PAK5: variants seen among roughly 807,000 people sequenced by gnomAD.
PAK5 encodes serine/threonine-protein kinase PAK 5.
A neutral mutation model predicts 65.9 loss-of-function variants in PAK5; 16 were observed. The ratio of observed to expected loss-of-function variants is 0.24; its 90% CI spans 0.16 to 0.37. PAK5 has a LOEUF of 0.37. Among genes scored for constraint, PAK5 ranks in the 10% least tolerant of loss-of-function variants. The pLI, the probability that PAK5 is intolerant of heterozygous loss-of-function variation, is 1.00. For missense variants in PAK5, 785 were observed against 903.9 expected (o/e 0.87, Z 1.69); for synonymous variants, 371 against 354.9 (o/e 1.05, Z -0.51).
chr20:9,616,818 G>A (rs188855397), intron 3 of PAK5, among the ~76,000 whole-genome samples: 1 of 152,334 alleles, frequency 6.6e-6, no homozygotes, highest in Admixed American at 6.5e-5. Context: ...GTGGGTAGTG[G>A]GTGGAATGTG....
At chr20:9,640,163 A>G (rs2047033912) in intron 3 of PAK5, among the ~76,000 whole-genome samples, 1 of 149,912 alleles carries the variant, frequency 6.7e-6, no homozygotes, top group Non-Finnish European at 1.5e-5. Context: ...CCATTAACTC[A>G]TCATTTAGCA....
chr20:9,595,140 T>G (rs1025576853), intron 3 of PAK5, among the ~76,000 whole-genome samples: 45 of 150,974 alleles, frequency 3.0e-4, no homozygotes, highest in Admixed American at 2.3e-3. Flanking sequence ...GAGAGAGAGA[T>G]AGTATCAAAT....
At chr20:9,794,345 TA>T (rs2049082604) in intron 1 of PAK5, among the ~76,000 whole-genome samples, 1 of 151,870 alleles carries the variant, frequency 6.6e-6, no homozygotes, top group South Asian at 2.1e-4. Context: ...AAGAAAAATT[TA>T]AAAAATTTAA....
At chr20:9,808,056 A>G (rs953303017) in intron 1 of PAK5, among the ~76,000 whole-genome samples, 1 of 152,196 alleles carries the variant, frequency 6.6e-6, no homozygotes. Flanking sequence ...GAGACAAGAC[A>G]GAAAATAGAC....
At chr20:9,773,732 T>A (rs959199718) in intron 1 of PAK5, among the ~76,000 whole-genome samples, 1 of 152,210 alleles carries the variant, frequency 6.6e-6, no homozygotes, top group African/African-American at 2.4e-5. Context: ...GGCATAACTA[T>A]GGCTAAGTGC....
At chr20:9,604,032 A>C (rs1377788799) in intron 3 of PAK5, among the ~76,000 whole-genome samples, 2 of 152,234 alleles carry the variant, frequency 1.3e-5, no homozygotes, top group African/African-American at 4.8e-5. Flanking sequence ...ACCACACCAC[A>C]AATTATTGAT....
intron 1 of PAK5, among the ~76,000 whole-genome samples, chr20:9,752,297 G>C (rs1002956513): frequency 1.3e-5 from 2 of 152,140 alleles, no homozygotes; most frequent in African/African-American, 4.8e-5. Flanking sequence ...AACTGGGCAA[G>C]GGGCAGATCA....
chr20:9,827,329 T>A (rs2123782843), intron 1 of PAK5, among the ~76,000 whole-genome samples: 1 of 152,358 alleles, frequency 6.6e-6, no homozygotes, highest in South Asian at 2.1e-4. Flanking sequence ...TGAATCTATC[T>A]AACTGCGTGA....
At chr20:9,688,094 A>G (rs182508648) in intron 2 of PAK5, among the ~76,000 whole-genome samples, 109 of 152,174 alleles carry the variant, frequency 7.2e-4, no homozygotes, top group African/African-American at 2.3e-3. Flanking sequence ...GAGAGGCCAG[A>G]GCCCTTTGGG....
chr20:9,679,031 T>A (rs1009088666), intron 2 of PAK5, among the ~76,000 whole-genome samples: 1 of 152,174 alleles, frequency 6.6e-6, no homozygotes, highest in Non-Finnish European at 1.5e-5. Context: ...TTCTTCCACC[T>A]CTGCTACCCC....
intron 3 of PAK5, among the ~76,000 whole-genome samples, chr20:9,605,293 A>G (rs1204107318): frequency 6.6e-6 from 1 of 152,190 alleles, no homozygotes; most frequent in East Asian, 1.9e-4. Flanking sequence ...TTGGACACAG[A>G]GCAGAGAGAA....
chr20:9,670,222 CA>C (rs1432305052), intron 2 of PAK5, among the ~76,000 whole-genome samples: 1 of 152,138 alleles, frequency 6.6e-6, no homozygotes, highest in East Asian at 1.9e-4. Context: ...AATAGTGCCT[CA>C]ATAAACATAC....
intron 1 of PAK5, among the ~76,000 whole-genome samples, chr20:9,823,958 G>C (rs2049455165): frequency 6.6e-6 from 1 of 152,160 alleles, no homozygotes; most frequent in African/African-American, 2.4e-5. Flanking sequence ...CTATTTACTA[G>C]CCATAAAATG....
At chr20:9,641,408 T>C (rs1369741059) in intron 3 of PAK5, among the ~76,000 whole-genome samples, 2 of 136,494 alleles carry the variant, frequency 1.5e-5, no homozygotes, top group African/African-American at 2.7e-5. Flanking sequence ...AGGGTGCTGA[T>C]TGGTGTGTTT....
intron 3 of PAK5, among the ~76,000 whole-genome samples, chr20:9,633,243 C>T (rs1285587941): frequency 1.3e-5 from 2 of 152,098 alleles, no homozygotes; most frequent in African/African-American, 4.8e-5. Context: ...TCACATCACC[C>T]CACTGGCCAT....
chr20:9,837,040 A>G (rs567779727), intron 1 of PAK5, among the ~76,000 whole-genome samples: 1 of 152,338 alleles, frequency 6.6e-6, no homozygotes, highest in South Asian at 2.1e-4. Context: ...CTTAGATATC[A>G]ATTGATTCAA....
At chr20:9,672,897 T>C (rs1451160723) in intron 2 of PAK5, among the ~76,000 whole-genome samples, 1 of 152,142 alleles carries the variant, frequency 6.6e-6, no homozygotes. Flanking sequence ...GCTTCACCTA[T>C]AAAGGAGGCA....
At chr20:9,665,238 G>C (rs1484383725) in intron 2 of PAK5, among the ~76,000 whole-genome samples, 1 of 151,604 alleles carries the variant, frequency 6.6e-6, no homozygotes, top group African/African-American at 2.4e-5. Flanking sequence ...AGGCTTGAAA[G>C]GACAACTGGA....
intron 2 of PAK5, among the ~76,000 whole-genome samples, chr20:9,652,223 G>A (rs542810863): frequency 6.6e-6 from 1 of 152,250 alleles, no homozygotes; most frequent in Non-Finnish European, 1.5e-5. Flanking sequence ...TTACAGAGGG[G>A]ATGGCACCAA....
Sources: allele counts gnomAD v4.1 joint callset (sites outside exome capture counted in the v4.1 genomes callset), GRCh38; gene constraint gnomAD v4.1.1; transcripts MANE v1.5; gene names NCBI Gene and HGNC (gene_info 2026-07-23, HGNC 2026-07-21).